Variants in PHF21A observed in about 807,000 individuals in gnomAD.
PHF21A encodes the protein BHC80a.
In PHF21A, 11 loss-of-function variants were observed where a neutral mutation model predicts 82.5. The ratio of observed to expected loss-of-function variants is 0.13; its 90% confidence interval spans 0.08 to 0.22. The LOEUF (loss-of-function observed/expected upper bound fraction) is 0.22. Among genes scored for constraint, PHF21A ranks in the 10% least tolerant of loss-of-function variants. The probability of loss-of-function intolerance (pLI) is 1.00; values close to 1 mark genes in which losing one functional copy is unlikely to be tolerated. For missense variants in PHF21A, 579 were observed against 837.8 expected (o/e 0.69, Z 3.81); for synonymous variants, 297 against 302.8 (o/e 0.98, Z 0.20).
chr11:46,114,643 T>C (rs1015869688), intron 1 of PHF21A, among the ~76,000 whole-genome samples: 1 of 152,192 alleles, frequency 6.6e-6, no homozygotes, highest in Non-Finnish European at 1.5e-5. Flanking sequence ...TTACTGTCAT[T>C]ACCCCAAAGT....
intron 6 of PHF21A, among the ~76,000 whole-genome samples, chr11:46,052,027 A>G (rs559757654): frequency 6.6e-6 from 1 of 152,292 alleles, no homozygotes; most frequent in Non-Finnish European, 1.5e-5. Flanking sequence ...CAGTCAAAGG[A>G]ATAGTCAATA....
At chr11:46,095,977 GC>G (rs1329851444) in intron 1 of PHF21A, among the ~76,000 whole-genome samples, 1 of 152,056 alleles carries the variant, frequency 6.6e-6, no homozygotes, top group Admixed American at 6.5e-5. Context: ...GCTGATAGAG[GC>G]CCCCAAACTG....
chr11:46,039,733 A>T (rs1171175968), intron 6 of PHF21A, among the ~76,000 whole-genome samples: 1 of 152,246 alleles, frequency 6.6e-6, no homozygotes, highest in East Asian at 1.9e-4. Context: ...TATAAAGAGC[A>T]AACTAAAATT....
At chr11:46,020,233 T>C (rs1466104569) in intron 6 of PHF21A, among the ~76,000 whole-genome samples, 2 of 152,194 alleles carry the variant, frequency 1.3e-5, no homozygotes, top group Admixed American at 6.5e-5. Flanking sequence ...TTGTTCCCTA[T>C]TGACATTCTC....
At chr11:46,119,106 T>C (rs930878345) in intron 1 of PHF21A, among the ~76,000 whole-genome samples, 5 of 38,920 alleles carry the variant, frequency 1.3e-4, no homozygotes, top group Non-Finnish European at 2.4e-4. Context: ...AGTGCACAAC[T>C]GCTTTAAAAA....
chr11:45,975,772 C>T (rs1345223360), intron 7 of PHF21A, among the ~76,000 whole-genome samples: 2 of 152,108 alleles, frequency 1.3e-5, no homozygotes, highest in Non-Finnish European at 2.9e-5. Flanking sequence ...GTTCCCATTC[C>T]CTCTCCCAAA....
chr11:46,094,791 T>C (rs2096971511), intron 1 of PHF21A, among the ~76,000 whole-genome samples: 1 of 151,924 alleles, frequency 6.6e-6, no homozygotes, highest in Admixed American at 6.6e-5. Flanking sequence ...TCTCAGCTAC[T>C]CGGGAGGCTG....
At chr11:46,046,541 C>T (rs1452119550) in intron 6 of PHF21A, among the ~76,000 whole-genome samples, 1 of 152,156 alleles carries the variant, frequency 6.6e-6, no homozygotes, top group Non-Finnish European at 1.5e-5. Flanking sequence ...CTTCACTCTG[C>T]TTTTTTAATG....
At chr11:45,951,397 C>A (rs1309794496) in intron 11 of PHF21A, among the ~76,000 whole-genome samples, 4 of 152,170 alleles carry the variant, frequency 2.6e-5, no homozygotes, top group Non-Finnish European at 5.9e-5. Context: ...ATAGAAATGT[C>A]ATTTACTGGT....
chr11:45,943,959 G>T (rs530993650), intron 15 of PHF21A, among the ~76,000 whole-genome samples: 10 of 152,280 alleles, frequency 6.6e-5, no homozygotes, highest in African/African-American at 2.4e-4. Flanking sequence ...AGAAGAACTG[G>T]CTATCTTTTT....
At chr11:46,107,532 C>A (rs2097165669) in intron 1 of PHF21A, among the ~76,000 whole-genome samples, 1 of 152,170 alleles carries the variant, frequency 6.6e-6, no homozygotes, top group African/African-American at 2.4e-5. Flanking sequence ...TCTACCAGGT[C>A]CAATTCTTAG....
At chr11:46,103,538 A>C (rs2097122719) in intron 1 of PHF21A, among the ~76,000 whole-genome samples, 1 of 152,222 alleles carries the variant, frequency 6.6e-6, no homozygotes, top group Non-Finnish European at 1.5e-5. Context: ...TGTTTTAGGA[A>C]CAGGGACAAA....
intron 6 of PHF21A, among the ~76,000 whole-genome samples, chr11:46,041,992 A>G (rs1244416293): frequency 6.6e-6 from 1 of 152,098 alleles, no homozygotes; most frequent in Admixed American, 6.6e-5. Context: ...AAAATCCTGT[A>G]TGTCTGTTTA....
At chr11:46,004,192 A>T (rs1305742368) in intron 6 of PHF21A, among the ~76,000 whole-genome samples, 1 of 152,188 alleles carries the variant, frequency 6.6e-6, no homozygotes, top group Non-Finnish European at 1.5e-5. Context: ...AGATTCTTAA[A>T]ATCATTGAAT....
intron 6 of PHF21A, among the ~76,000 whole-genome samples, chr11:45,985,620 A>C (rs1047010693): frequency 5.9e-5 from 9 of 152,234 alleles, no homozygotes; most frequent in African/African-American, 2.2e-4. Flanking sequence ...ATACTTAGCT[A>C]AAATAATTGC....
At chr11:45,947,982 G>A (rs533979235) in intron 14 of PHF21A, among the ~76,000 whole-genome samples, 67 of 152,248 alleles carry the variant, frequency 4.4e-4, no homozygotes, top group African/African-American at 1.6e-3. Context: ...TCCTGCCTAA[G>A]GCAGACAAAG....
intron 3 of PHF21A, among the ~76,000 whole-genome samples, chr11:46,085,258 G>A (rs2096843174): frequency 6.6e-6 from 1 of 152,110 alleles, no homozygotes; most frequent in Non-Finnish European, 1.5e-5. Flanking sequence ...AGGTGGTCTA[G>A]TAATGGAACA....
In PHF21A at chr11:46,092,082, G is replaced by C. The variant is rs181778635; in HGVS notation, c.-196+101C>G. 5 of 89,948 alleles carry C rather than the reference G, an allele frequency of 5.6e-5. No homozygotes were observed. In the Admixed American group the frequency reaches 6.9e-4, roughly 12 times the overall value. The allele number at this position is 89,948 out of a possible 1,614,324, so 5.6% of individuals were successfully genotyped here. On this transcript the variant is annotated intron_variant, in intron 2 of 18. Transcript: ENST00000676320. ...ATAGCAAAGCCCCATTTCTGAGAGA[G>C]AGCCTATTTGCCAAAAAAAAAAAAA...
rs1032216883 is a variant in PHF21A at position 45,948,867 on chromosome 11, G to A, written c.1288+19C>T. 1 of 1,598,524 alleles carries A rather than the reference G, an allele frequency of 6.3e-7. No individual in the cohort carries two copies. The highest frequency in any genetic ancestry group is 1.3e-5 in the African/African-American group (1 of 74,748). The stretch of plus-strand genomic sequence containing the variant: ...GCAAAAGCAACAGCAGCAAGGGAGA[G>A]ATACAAAAAGGTCCTCACCTCTCTT... On this transcript the variant is annotated intron_variant, in intron 14 of 18. Transcript: ENST00000676320.
Sources: allele counts gnomAD v4.1 joint callset (sites outside exome capture counted in the v4.1 genomes callset), GRCh38; gene constraint gnomAD v4.1.1; transcripts MANE v1.5; gene names NCBI Gene and HGNC (gene_info 2026-07-23, HGNC 2026-07-21).